KATNA1: variants seen among roughly 807,000 people sequenced by gnomAD.
KATNA1 encodes katanin p60 ATPase-containing subunit A1.
In KATNA1, 42 loss-of-function variants were observed where a neutral mutation model predicts 62.6. The observed-to-expected ratio is 0.67, with a 90% CI of 0.52 to 0.87. The LOEUF is 0.87. KATNA1 is among the 40% of genes least tolerant of loss of function. The probability of loss-of-function intolerance (pLI) is 0.00; values close to 1 mark genes in which losing one functional copy is unlikely to be tolerated. For synonymous variants in KATNA1, 186 were observed against 201.9 expected, an observed-to-expected ratio of 0.92 and a Z score of 0.67; for missense variants, 498 against 612.5, an observed-to-expected ratio of 0.81 and a Z score of 1.97.
chr6:149,635,736 A>T (rs1780040901), intron 2 of KATNA1, among the ~76,000 whole-genome samples: 1 of 151,438 alleles, frequency 6.6e-6, no homozygotes, highest in Non-Finnish European at 1.5e-5. Context: ...AAAAAACAGT[A>T]AAGTGTTATG....
At chr6:149,610,938 A>C (rs1206190143) in intron 4 of KATNA1, among the ~76,000 whole-genome samples, 1 of 152,136 alleles carries the variant, frequency 6.6e-6, no homozygotes, top group Non-Finnish European at 1.5e-5. Flanking sequence ...TACAAAAACT[A>C]GCCGGGCGTG....
rs1238232862 is a variant in KATNA1 at position 149,601,660 on chromosome 6, A to T, written c.822T>A (p.Ser274=). Residue 274 remains serine (S), a synonymous_variant, in exon 7 of 11, where the codon TCT becomes TCA. Transcript: ENST00000367411. ...TGTATTTGGAAGTCAAAGTTGATGA[A>T]GAGACATTGAAGAATGTTGTCTTGC... ...TECKTTFFNV[S]SSTLTSKYRG... The T allele has an allele frequency of 6.2e-7, 1 of 1,612,880 alleles. No individual in the cohort carries two copies. Among genetic ancestry groups the T allele is most frequent in the African/African-American group, 1.3e-5 (1 of 75,002 alleles).
At chr6:149,622,016 A>G (rs55993747) in intron 4 of KATNA1, among the ~76,000 whole-genome samples, 60,331 of 151,916 alleles carry the variant, frequency 0.4, 12,821 homozygotes, top group East Asian at 0.81. Context: ...AGAAGGGGGG[A>G]AATCTCTATA....
chr6:149,626,419 C>A, intron 3 of KATNA1, among the ~76,000 whole-genome samples: 1 of 146,712 alleles, frequency 6.8e-6, no homozygotes, highest in Non-Finnish European at 1.5e-5. Context: ...CTCAGCCTCC[C>A]GAGTAGCTGG....
intron 1 of KATNA1, among the ~76,000 whole-genome samples, chr6:149,645,009 G>T (rs1041321877): frequency 6.6e-6 from 1 of 152,000 alleles, no homozygotes; most frequent in Non-Finnish European, 1.5e-5. Flanking sequence ...CATCCTTCTC[G>T]AATGTCACAA....
chr6:149,634,209 G>C (rs1319624962), intron 2 of KATNA1, among the ~76,000 whole-genome samples: 1 of 150,624 alleles, frequency 6.6e-6, no homozygotes, highest in African/African-American at 2.5e-5. Flanking sequence ...GGAGGCGGAA[G>C]TTGCAGTGAG....
chr6:149,596,357 A>AAC (rs1297041327), intron 10 of KATNA1, among the ~76,000 whole-genome samples: 4 of 152,292 alleles, frequency 2.6e-5, no homozygotes, highest in African/African-American at 9.6e-5. Flanking sequence ...CAACATGGTG[A>AAC]AACACCGTCT....
intron 4 of KATNA1, among the ~76,000 whole-genome samples, chr6:149,610,899 A>G (rs555565218): frequency 2.0e-5 from 3 of 152,258 alleles, no homozygotes; most frequent in African/African-American, 7.2e-5. Flanking sequence ...AGCTTGGCCA[A>G]CGTGGCAAAA....
At chr6:149,618,267 C>A (rs1004566643) in intron 4 of KATNA1, among the ~76,000 whole-genome samples, 2 of 151,622 alleles carry the variant, frequency 1.3e-5, no homozygotes, top group Non-Finnish European at 2.9e-5. Flanking sequence ...CACCTGAGGT[C>A]AGGAGTTCAA....
intron 3 of KATNA1, among the ~76,000 whole-genome samples, chr6:149,626,484 C>T (rs1427508930): frequency 2.7e-5 from 4 of 146,680 alleles, no homozygotes; most frequent in Admixed American, 6.8e-5. Flanking sequence ...TTAGTAGAGA[C>T]GGGGTTTCAC....
intron 5 of KATNA1, among the ~76,000 whole-genome samples, chr6:149,603,608 G>A (rs895808786): frequency 1.1e-4 from 17 of 152,222 alleles, no homozygotes; most frequent in East Asian, 1.9e-4. Flanking sequence ...CCTGGATCAC[G>A]AGAACATAGT....
rs142942624 is a variant in KATNA1 at position 149,624,328 on chromosome 6, T to C, written c.321-1045A>G. ...CATTTTCCCATTTAAAAAACTGATATAGCACTAGCTATGAACAGTTACTAG... is the reference window on the plus strand; with the variant it reads ...CATTTTCCCATTTAAAAAACTGATACAGCACTAGCTATGAACAGTTACTAG... On this transcript the variant is annotated intron_variant, in intron 3 of 10. Transcript: ENST00000367411. Among the ~76,000 whole-genome samples the C allele has an allele frequency of 4.5e-4, 69 of 152,364 alleles. 2 individuals are homozygous for C. In the East Asian group the frequency reaches 8.9e-3, roughly 20 times the overall value.
chr6:149,623,078 T>C, intron 4 of KATNA1, 25 bp downstream of exon 4: 2 of 1,490,490 alleles, frequency 1.3e-6, no homozygotes, highest in Non-Finnish European at 1.8e-6. Context: ...ATAACTTTCA[T>C]TTATAAAAAT....
At chr6:149,636,643 T>C (rs988680762) in intron 2 of KATNA1, among the ~76,000 whole-genome samples, 6 of 126,678 alleles carry the variant, frequency 4.7e-5, no homozygotes, top group Non-Finnish European at 9.9e-5. Context: ...AGACTATTAC[T>C]TTCATTTTTT....
rs749726130 is a variant in KATNA1, at chr6:149,595,039, G to A, written c.1473C>T (p.Cys491=). 5.6e-6 allele frequency: 9 copies of A among 1,612,186 alleles called. No homozygotes were observed. In the East Asian group the frequency reaches 1.8e-4, roughly 32 times the overall value. Residue 491 remains cysteine (C), a synonymous_variant, in exon 11 of 11, where the codon TGC becomes TGT. Transcript: ENST00000367411. ...YEKWIFEFGS[C] ...CTCACAGTTTACATGTGAGAATTTA[G>A]CATGATCCAAACTCAAATATCCATT...
chr6:149,598,047 C>G, intron 8 of KATNA1, 177 bp downstream of exon 8: 1 of 625,684 alleles, frequency 1.6e-6, no homozygotes, highest in Non-Finnish European at 2.7e-6. Flanking sequence ...GTCAGTGTAC[C>G]AAATCTATTA....
In KATNA1 at chr6:149,598,256, C is replaced by T. The variant is rs1231069073; in HGVS notation, c.983G>A (p.Arg328Lys). ...CTGAACCAGCAGCTCCGCTTTCACC[C>T]TTCTGCTTGCTTCATGTTCTTCAGA... ...GTSEEHEASRRVKAELLVQMD... is the reference protein window; with the variant it reads ...GTSEEHEASRKVKAELLVQMD... The change falls in exon 8 of 11, where the codon AGG (arginine) becomes AAG (lysine). Residue 328 changes from arginine (R) to lysine (K), a missense_variant. Coordinates refer to ENST00000367411, the MANE Select transcript of KATNA1 (RefSeq NM_007044.4). 6.2e-7 allele frequency: 1 copy of T among 1,614,000 alleles called. No homozygotes were observed. The highest frequency in any genetic ancestry group is 1.1e-5 in the South Asian group (1 of 91,076).
At chr6:149,633,100 A>ATT (rs368739065) in intron 2 of KATNA1, among the ~76,000 whole-genome samples, 184 bp from the exon 3 acceptor site, 1,588 of 120,682 alleles carry the variant, frequency 0.013, 52 homozygotes, top group African/African-American at 0.036. Flanking sequence ...TTCAATTGCA[A>ATT]TTTTTTTTTT....
At chr6:149,631,022 T>TG (rs1449512446) in intron 3 of KATNA1, among the ~76,000 whole-genome samples, 1 of 152,168 alleles carries the variant, frequency 6.6e-6, no homozygotes, top group Admixed American at 6.6e-5. Context: ...ATGACTTATT[T>TG]GGAAGGCTTA....
Sources: gnomAD v4.1 joint callset for allele counts (sites outside exome capture counted in the v4.1 genomes callset) on GRCh38, gnomAD v4.1.1 for gene constraint, MANE v1.5 for transcripts, NCBI Gene and HGNC (gene_info 2026-07-23, HGNC 2026-07-21) for gene names.